The following FAM83B variants were observed in gnomAD, a reference collection of about 807,000 sequenced individuals.
FAM83B encodes protein FAM83B.
In FAM83B, 26 loss-of-function variants were observed where a neutral mutation model predicts 38.8. The ratio of observed to expected loss-of-function variants is 0.67; its 90% CI spans 0.49 to 0.93. FAM83B has a LOEUF of 0.93. Among genes scored for constraint, FAM83B ranks in the 40% least tolerant of loss-of-function variants. The pLI is 0.00. For synonymous variants in FAM83B, 419 were observed against 423.1 expected, an observed-to-expected ratio of 0.99 and a Z score of 0.12; for missense variants, 1,237 against 1,197.3, an observed-to-expected ratio of 1.03 and a Z score of -0.49.
At chr6:54,939,157 G>T (rs1440595865) in intron 4 of FAM83B, among the ~76,000 whole-genome samples, 1 of 152,094 alleles carries the variant, frequency 6.6e-6, no homozygotes, top group Non-Finnish European at 1.5e-5. Context: ...CTTTGTTGAA[G>T]ATCAGTTGGC....
intron 4 of FAM83B, among the ~76,000 whole-genome samples, chr6:54,938,660 T>C (rs1395279099): frequency 6.6e-6 from 1 of 152,214 alleles, no homozygotes; most frequent in Admixed American, 6.6e-5. Context: ...TGGTCATTTG[T>C]ATATTTTCTA....
At chr6:54,888,051 G>C (rs890796104) in intron 2 of FAM83B, among the ~76,000 whole-genome samples, 1 of 147,476 alleles carries the variant, frequency 6.8e-6, no homozygotes, top group Non-Finnish European at 1.5e-5. Flanking sequence ...ATTCACATAG[G>C]TTTTATTATT....
chr6:54,890,473 G>C (rs1175179575), intron 2 of FAM83B, among the ~76,000 whole-genome samples: 1 of 152,048 alleles, frequency 6.6e-6, no homozygotes, highest in East Asian at 1.9e-4. Flanking sequence ...CCAAAGCTTA[G>C]TTTCATGTTA....
Position 54,908,356 on chromosome 6 carries a change from C to A in FAM83B, c.445-18015C>A, listed in dbSNP as rs190137128. Among the ~76,000 whole-genome samples the A allele has an allele frequency of 4.4e-3, 671 of 152,022 alleles. 8 individuals are homozygous for A. Among genetic ancestry groups the A allele is most frequent in the African/African-American group, 0.015 (639 of 41,516 alleles). On this transcript the variant is annotated intron_variant, in intron 2 of 4. Transcript: ENST00000306858. ...ATTCTAACTTTTAATAGATAGGGTT[C>A]TTTCATTTTTGAGAGTTATTCCTAA... is the stretch of plus-strand genomic sequence containing the variant.
intron 2 of FAM83B, among the ~76,000 whole-genome samples, chr6:54,881,632 A>C (rs1772134001): frequency 6.6e-6 from 1 of 152,182 alleles, no homozygotes; most frequent in Non-Finnish European, 1.5e-5. Context: ...AAAAAAAATA[A>C]AATCTGAGGT....
chr6:54,901,394 G>A (rs1772657154), intron 2 of FAM83B, among the ~76,000 whole-genome samples: 1 of 151,594 alleles, frequency 6.6e-6, no homozygotes, highest in African/African-American at 2.4e-5. Flanking sequence ...ATCCTCTTGA[G>A]CAAATGTGAT....
intron 1 of FAM83B, among the ~76,000 whole-genome samples, chr6:54,868,228 G>C (rs974184186): frequency 6.6e-6 from 1 of 152,058 alleles, no homozygotes. Flanking sequence ...TGACATTTTG[G>C]GTGGGATTAT....
chr6:54,892,325 A>G (rs1229385422), intron 2 of FAM83B, among the ~76,000 whole-genome samples: 3 of 151,722 alleles, frequency 2.0e-5, no homozygotes, highest in Non-Finnish European at 4.4e-5. Context: ...TGTTATATAA[A>G]TAAAATCATG....
At chr6:54,930,738 T>C (rs996095708) in intron 4 of FAM83B, among the ~76,000 whole-genome samples, 4 of 152,022 alleles carry the variant, frequency 2.6e-5, no homozygotes, top group African/African-American at 9.7e-5. Context: ...TTTTCCCTAT[T>C]TGTTTTTGTT....
At chr6:54,904,749 T>G (rs1433404698) in intron 2 of FAM83B, among the ~76,000 whole-genome samples, 1 of 152,174 alleles carries the variant, frequency 6.6e-6, no homozygotes, top group Admixed American at 6.5e-5. Flanking sequence ...GAGCCAGGAT[T>G]TGGCCATGGC....
chr6:54,943,014 T>G lies in FAM83B; in HGVS notation c.*1007T>G, dbSNP rs1773739288. Among the ~76,000 whole-genome samples the G allele has an allele frequency of 6.6e-6, 1 of 151,956 alleles. No individual in the cohort carries two copies. The highest frequency in any genetic ancestry group is 1.5e-5 in the Non-Finnish European group (1 of 67,976). The stretch of plus-strand genomic sequence containing the variant: ...GCCTCCCAAGTTCAAACGATTCTCC[T>G]GCCTCAGCCTCCTGAGTAGCTGGGA... On this transcript the variant is annotated 3_prime_UTR_variant, in exon 5 of 5. Coordinates refer to ENST00000306858, the MANE Select transcript of FAM83B (RefSeq NM_001010872.3).
intron 2 of FAM83B, among the ~76,000 whole-genome samples, chr6:54,916,141 TATTCCCCAAACTCCTCTTC>T (rs1773032285): frequency 6.6e-6 from 1 of 152,196 alleles, no homozygotes; most frequent in Non-Finnish European, 1.5e-5. Flanking sequence ...CTTCTGCTCC[TATTCCCCAAACTCCTCTTC>T]ATGCACTATT....
intron 1 of FAM83B, among the ~76,000 whole-genome samples, chr6:54,862,071 C>T (rs931766): frequency 0.42 from 63,223 of 151,956 alleles, 14,180 homozygotes; most frequent in Non-Finnish European, 0.51. Context: ...CTAAGAAAAC[C>T]CAGGTGGGGT....
At chr6:54,932,705 C>T (rs1773449866) in intron 4 of FAM83B, among the ~76,000 whole-genome samples, 1 of 151,960 alleles carries the variant, frequency 6.6e-6, no homozygotes, top group Admixed American at 6.6e-5. Flanking sequence ...CTTAATTTCT[C>T]CTTCCTTTTG....
intron 2 of FAM83B, among the ~76,000 whole-genome samples, chr6:54,881,984 A>G (rs1029590596): frequency 3.3e-5 from 5 of 152,088 alleles, no homozygotes; most frequent in Admixed American, 2.0e-4. Context: ...TCATTGTTCA[A>G]TTCCCACCTA....
intron 1 of FAM83B, among the ~76,000 whole-genome samples, chr6:54,852,787 G>A (rs1362559051): frequency 6.6e-6 from 1 of 152,164 alleles, no homozygotes; most frequent in Admixed American, 6.5e-5. Flanking sequence ...AGAGTAAAAT[G>A]GCATTGCTGA....
chr6:54,916,029 C>T (rs2127585881), intron 2 of FAM83B, among the ~76,000 whole-genome samples: 1 of 152,224 alleles, frequency 6.6e-6, no homozygotes, highest in East Asian at 1.9e-4. Flanking sequence ...ATCTTTCTAG[C>T]TTTATCGCCA....
At chr6:54,918,540 G>A (rs1329631016) in intron 2 of FAM83B, among the ~76,000 whole-genome samples, 1 of 152,132 alleles carries the variant, frequency 6.6e-6, no homozygotes, top group Non-Finnish European at 1.5e-5. Flanking sequence ...CAGCAACTAG[G>A]AGAAGTGTAG....
rs377661351 is a variant in FAM83B, at chr6:54,941,750, C to T, written c.2779C>T (p.His927Tyr). 3.1e-6 allele frequency: 5 copies of T among 1,614,006 alleles called. No homozygotes were observed. In the African/African-American group the frequency reaches 4.0e-5, roughly 13 times the overall value. ...AACGTCCAGTGAGCTTCTACGATCT[C>T]ATTCAACTGATCGGCGTGTTTACAG... The part of the protein sequence containing the change: ...RPTSSELLRS[H>Y]STDRRVYSRF... Residue 927 changes from histidine to tyrosine, a missense_variant, in exon 5 of 5, where the codon CAT becomes TAT. Transcript: ENST00000306858.
Sources: gnomAD v4.1 joint callset for allele counts (sites outside exome capture counted in the v4.1 genomes callset) on GRCh38, gnomAD v4.1.1 for gene constraint, MANE v1.5 for transcripts, NCBI Gene and HGNC (gene_info 2026-07-23, HGNC 2026-07-21) for gene names.